SGCZ: variants seen among roughly 807,000 people sequenced by gnomAD.
SGCZ encodes the protein zeta-sarcoglycan.
A neutral mutation model predicts 41.3 loss-of-function variants in SGCZ; 40 were observed. The ratio of observed to expected loss-of-function variants is 0.97; its 90% confidence interval spans 0.75 to 1.26. The LOEUF is 1.26. SGCZ is among the 50% of genes most tolerant of loss of function. SGCZ has a pLI of 0.00. For missense variants in SGCZ, 552 were observed against 369.8 expected (o/e 1.49, Z -4.04); for synonymous variants, 206 against 137.5 (o/e 1.50, Z -3.49).
chr8:14,505,607 G>C (rs112220632), intron 2 of SGCZ, among the ~76,000 whole-genome samples: 1 of 152,042 alleles, frequency 6.6e-6, no homozygotes, highest in Non-Finnish European at 1.5e-5. Flanking sequence ...TTATGTTAAT[G>C]TCTTATATGT....
At chr8:14,098,119 TATTCAGTAA>T (rs2116969734) in intron 7 of SGCZ, among the ~76,000 whole-genome samples, 1 of 152,280 alleles carries the variant, frequency 6.6e-6, no homozygotes, top group South Asian at 2.1e-4. Flanking sequence ...CACAAATAGT[TATTCAGTAA>T]ATGAATACAT....
intron 1 of SGCZ, among the ~76,000 whole-genome samples, chr8:14,889,348 T>A (rs1804926014): frequency 6.6e-6 from 1 of 152,062 alleles, no homozygotes. Context: ...TACTTCAACC[T>A]GTATTTAAAA....
At position 14,498,009 on chromosome 8, in the gene SGCZ, G is replaced by T. The variant is rs118035520; in HGVS notation, c.234+56723C>A. On this transcript the variant is annotated intron_variant, in intron 2 of 7. Transcript: ENST00000382080. ...CATCTATAAGTTTTATATTTTCTAA[G>T]CAAGTGGTGAAGATACATATCACAT... is the stretch of plus-strand genomic sequence containing the variant. 8.2e-3 allele frequency among the ~76,000 whole-genome samples: 1,246 copies of T among 152,180 alleles called. 12 individuals carry two copies. Among genetic ancestry groups the T allele is most frequent in the Non-Finnish European group, 0.012 (834 of 68,008 alleles).
intron 1 of SGCZ, among the ~76,000 whole-genome samples, chr8:14,730,881 GGAA>G (rs770868753): frequency 3.8e-4 from 57 of 151,896 alleles, no homozygotes; most frequent in Non-Finnish European, 6.5e-4. Flanking sequence ...AAAAAGTCAG[GGAA>G]CAAGATGCTG....
intron 1 of SGCZ, among the ~76,000 whole-genome samples, chr8:15,110,576 G>T (rs1807009506): frequency 6.6e-6 from 1 of 152,178 alleles, no homozygotes; most frequent in Non-Finnish European, 1.5e-5. Flanking sequence ...AAGCAGGTGT[G>T]CATATCACAA....
At chr8:14,516,110 T>C (rs946652379) in intron 2 of SGCZ, among the ~76,000 whole-genome samples, 1 of 98,066 alleles carries the variant, frequency 1.0e-5, no homozygotes, top group African/African-American at 4.0e-5. Context: ...ATGAAACTTC[T>C]CTTTTTTTTT....
At chr8:14,420,090 T>A (rs563075852) in intron 2 of SGCZ, among the ~76,000 whole-genome samples, 2 of 152,124 alleles carry the variant, frequency 1.3e-5, no homozygotes, top group African/African-American at 4.8e-5. Flanking sequence ...TATTGCATTC[T>A]ATTTTTATGT....
chr8:14,415,382 G>A (rs1245667895), intron 2 of SGCZ, among the ~76,000 whole-genome samples: 1 of 151,840 alleles, frequency 6.6e-6, no homozygotes, highest in African/African-American at 2.4e-5. Context: ...AAAAGACACA[G>A]AAATAAGCTT....
chr8:14,978,147 G>C (rs933891717), intron 1 of SGCZ, among the ~76,000 whole-genome samples: 8 of 151,854 alleles, frequency 5.3e-5, no homozygotes, highest in South Asian at 2.1e-4. Context: ...AGTTTCAAAA[G>C]ATTATTTTGT....
In SGCZ at chr8:14,417,665, T is replaced by C. The variant is rs540078246; in HGVS notation, c.235-93461A>G. 3.6e-4 allele frequency among the ~76,000 whole-genome samples: 54 copies of C among 151,874 alleles called. 1 individual carries two copies. Among genetic ancestry groups the C allele is most frequent in the Admixed American group, 5.3e-4 (8 of 15,204 alleles). On this transcript the variant is annotated intron_variant, in intron 2 of 7. Transcript: ENST00000382080. ...TAACGATACAGCATGATGACTAGAG[T>C]TACTAATAACGTATTGTACTCTTGA...
chr8:14,260,693 A>C (rs1441053281), intron 3 of SGCZ, among the ~76,000 whole-genome samples: 1 of 152,198 alleles, frequency 6.6e-6, no homozygotes, highest in African/African-American at 2.4e-5. Flanking sequence ...ACTTAGAACC[A>C]ACCCAAATGT....
At chr8:15,195,597 G>C (rs1800697361) in intron 1 of SGCZ, among the ~76,000 whole-genome samples, 2 of 152,236 alleles carry the variant, frequency 1.3e-5, no homozygotes, top group South Asian at 4.1e-4. Flanking sequence ...AAGAGTCCGT[G>C]CCTGATTGGA....
chr8:14,567,360 A>G (rs1316596239), intron 1 of SGCZ, among the ~76,000 whole-genome samples: 12 of 152,102 alleles, frequency 7.9e-5, no homozygotes, highest in African/African-American at 2.2e-4. Context: ...GAATGCACCA[A>G]TCGGCACTCT....
intron 1 of SGCZ, among the ~76,000 whole-genome samples, chr8:14,796,094 T>C (rs944705715): frequency 6.6e-6 from 1 of 152,226 alleles, no homozygotes; most frequent in African/African-American, 2.4e-5. Context: ...TTTAGGTTGA[T>C]TCCTTGTCTT....
chr8:14,477,181 T>C (rs977011115), intron 2 of SGCZ, among the ~76,000 whole-genome samples: 9 of 152,214 alleles, frequency 5.9e-5, no homozygotes, highest in Non-Finnish European at 1.5e-5. Flanking sequence ...AATATTTAAC[T>C]GTGTAAAATA....
At chr8:14,551,534 ATATATATAATATATATAATATATAT>A (rs1803842392) in intron 2 of SGCZ, among the ~76,000 whole-genome samples, 11 of 7,832 alleles carry the variant, frequency 1.4e-3, no homozygotes, top group South Asian at 8.4e-3. Context: ...AATATATATA[ATATATATAATATATATAATATATAT>A]TATATATATA....
At chr8:14,546,211 C>T (rs546366367) in intron 2 of SGCZ, among the ~76,000 whole-genome samples, 8 of 152,232 alleles carry the variant, frequency 5.3e-5, no homozygotes, top group South Asian at 4.1e-4. Context: ...TGCTGGTGCT[C>T]GCAGGCAGAG....
intron 2 of SGCZ, among the ~76,000 whole-genome samples, chr8:14,363,674 G>C (rs1033506587): frequency 1.4e-4 from 21 of 152,206 alleles, no homozygotes; most frequent in African/African-American, 4.3e-4. Flanking sequence ...GTTTTATTCA[G>C]TTAACAGTTA....
At chr8:15,043,651 TA>T (rs1302215332) in intron 1 of SGCZ, among the ~76,000 whole-genome samples, 2 of 152,160 alleles carry the variant, frequency 1.3e-5, no homozygotes, top group Admixed American at 1.3e-4. Context: ...TTTTCTATAT[TA>T]AAAAATTGTT....
Sources: allele counts gnomAD v4.1 joint callset (sites outside exome capture counted in the v4.1 genomes callset), GRCh38; gene constraint gnomAD v4.1.1; transcripts MANE v1.5; gene names NCBI Gene and HGNC (gene_info 2026-07-23, HGNC 2026-07-21).